PTPRD: variants seen among roughly 807,000 people sequenced by gnomAD.
PTPRD encodes the protein receptor-type tyrosine-protein phosphatase delta.
Under a neutral mutation model 214.5 loss-of-function variants are expected in PTPRD, and 34 were observed. The ratio of observed to expected loss-of-function variants is 0.16; its 90% CI spans 0.12 to 0.21. PTPRD has a LOEUF of 0.21. PTPRD is among the 10% of genes least tolerant of loss of function. PTPRD has a pLI of 1.00. For missense variants in PTPRD, 2,545 were observed against 2,398.7 expected, an observed-to-expected ratio of 1.06 and a Z score of -1.27; for synonymous variants, 1,128 against 845.7, an observed-to-expected ratio of 1.33 and a Z score of -5.79.
chr9:8,847,703 C>G (rs555546538), intron 11 of PTPRD, among the ~76,000 whole-genome samples: 1 of 152,008 alleles, frequency 6.6e-6, no homozygotes, highest in African/African-American at 2.4e-5. Flanking sequence ...AAATAGTTCT[C>G]TGAGGACTTA....
At chr9:9,054,162 A>G (rs1433596997) in intron 10 of PTPRD, among the ~76,000 whole-genome samples, 1 of 152,184 alleles carries the variant, frequency 6.6e-6, no homozygotes, top group Admixed American at 6.5e-5. Context: ...CAACAATCCT[A>G]TAAGGCAAGT....
intron 35 of PTPRD, among the ~76,000 whole-genome samples, chr9:8,421,190 T>C (rs922338035): frequency 6.6e-6 from 1 of 152,138 alleles, no homozygotes; most frequent in African/African-American, 2.4e-5. Context: ...AAGTGGGAGA[T>C]GCAAAGAGCA....
At chr9:9,275,145 ATAATATATT>A (rs1944841660) in intron 9 of PTPRD, among the ~76,000 whole-genome samples, 3 of 62,768 alleles carry the variant, frequency 4.8e-5, no homozygotes, top group African/African-American at 7.6e-5. Context: ...TAATATATAT[ATAATATATT>A]ATATATATAA....
At chr9:10,186,902 G>C (rs1293642913) in intron 3 of PTPRD, among the ~76,000 whole-genome samples, 1 of 152,082 alleles carries the variant, frequency 6.6e-6, no homozygotes, top group Non-Finnish European at 1.5e-5. Context: ...TCATGTTGTT[G>C]ATATATTTAG....
At chr9:10,049,903 A>T (rs1370685448) in intron 3 of PTPRD, among the ~76,000 whole-genome samples, 2 of 152,190 alleles carry the variant, frequency 1.3e-5, no homozygotes, top group Admixed American at 6.5e-5. Flanking sequence ...ATTGTAGGGT[A>T]GCATGACCTG....
At chr9:8,586,741 TGCTAGACCAA>T (rs2093687999) in intron 14 of PTPRD, among the ~76,000 whole-genome samples, 1 of 152,218 alleles carries the variant, frequency 6.6e-6, no homozygotes. Flanking sequence ...CCAACGGCAT[TGCTAGACCAA>T]GTATGTTCTT....
In PTPRD at chr9:9,854,219, A is replaced by G. The variant is rs77513972; in HGVS notation, c.-368+84288T>C. ...CTATTTTGTGCAATCTTTTTAAGGTACTATGCAGCTTTGAGATGATACAAT... is the reference window on the plus strand; with the variant it reads ...CTATTTTGTGCAATCTTTTTAAGGTGCTATGCAGCTTTGAGATGATACAAT... On this transcript the variant is annotated intron_variant, in intron 5 of 45. Coordinates refer to ENST00000381196, the MANE Select transcript of PTPRD (RefSeq NM_002839.4). Among the ~76,000 whole-genome samples the G allele has an allele frequency of 7.5e-3, 1,146 of 152,306 alleles. 11 individuals are homozygous for G. Among genetic ancestry groups the G allele is most frequent in the African/African-American group, 0.026 (1,084 of 41,558 alleles).
rs146507576 is a variant in PTPRD at position 9,084,460 on chromosome 9, G to C, written c.-142-65725C>G. Among the ~76,000 whole-genome samples the C allele has an allele frequency of 8.9e-4, 135 of 152,244 alleles. 1 individual carries two copies. Among genetic ancestry groups the C allele is most frequent in the Non-Finnish European group, 1.6e-3 (106 of 68,018 alleles). On this transcript the variant is annotated intron_variant, in intron 10 of 45. Transcript: ENST00000381196. Reference sequence around the variant, plus strand: ...GCGGAAATAACTATTGCAGATGACAGGTTGATGGGTTCAGCAAACCACCAG... The same window carrying C: ...GCGGAAATAACTATTGCAGATGACACGTTGATGGGTTCAGCAAACCACCAG...
intron 2 of PTPRD, among the ~76,000 whole-genome samples, chr9:10,368,149 G>A (rs1598279698): frequency 6.6e-6 from 1 of 152,070 alleles, no homozygotes; most frequent in South Asian, 2.1e-4. Flanking sequence ...ATATTGGTAA[G>A]TTGTCTTTAA....
chr9:9,712,583 C>T lies in PTPRD; in HGVS notation c.-287+21950G>A, dbSNP rs116476504. ...CATTCCAAACTCAAACAATGGCAGA[C>T]GGCAGATCTTGCTATATAACACATC... is the stretch of plus-strand genomic sequence containing the variant. On this transcript the variant is annotated intron_variant, in intron 7 of 45. Coordinates refer to ENST00000381196, the MANE Select transcript of PTPRD (RefSeq NM_002839.4). 6.5e-3 allele frequency among the ~76,000 whole-genome samples: 991 copies of T among 152,236 alleles called. 9 individuals carry two copies. Among genetic ancestry groups the T allele is most frequent in the African/African-American group, 0.023 (940 of 41,542 alleles).
intron 2 of PTPRD, among the ~76,000 whole-genome samples, chr9:10,365,648 C>A (rs1036493449): frequency 3.3e-5 from 5 of 152,002 alleles, no homozygotes; most frequent in Admixed American, 2.6e-4. Flanking sequence ...GTTTTTAGAA[C>A]ATAAGAGGAG....
At chr9:9,502,873 G>GT (rs1359176067) in intron 8 of PTPRD, among the ~76,000 whole-genome samples, 1 of 151,848 alleles carries the variant, frequency 6.6e-6, no homozygotes, top group Non-Finnish European at 1.5e-5. Flanking sequence ...TCCAACAGAC[G>GT]TAACTATTCT....
At chr9:10,317,592 C>A (rs968531794) in intron 3 of PTPRD, among the ~76,000 whole-genome samples, 13 of 151,702 alleles carry the variant, frequency 8.6e-5, no homozygotes, top group African/African-American at 3.1e-4. Flanking sequence ...AAGGTGGACC[C>A]CATGTTGCTA....
At chr9:8,966,935 A>AACAG (rs2099199372) in intron 11 of PTPRD, among the ~76,000 whole-genome samples, 1 of 151,510 alleles carries the variant, frequency 6.6e-6, no homozygotes, top group South Asian at 2.1e-4. Flanking sequence ...CAAACAAACA[A>AACAG]CAAAACAACA....
At chr9:9,431,632 T>A (rs546137980) in intron 8 of PTPRD, among the ~76,000 whole-genome samples, 14 of 152,038 alleles carry the variant, frequency 9.2e-5, no homozygotes, top group Non-Finnish European at 1.6e-4. Flanking sequence ...CTATTCACAA[T>A]AGCAAAGACT....
At chr9:10,212,629 G>A (rs1039283175) in intron 3 of PTPRD, among the ~76,000 whole-genome samples, 7 of 152,088 alleles carry the variant, frequency 4.6e-5, no homozygotes, top group Admixed American at 4.6e-4. Flanking sequence ...GTAAAAATAA[G>A]TATTTGTCAT....
chr9:9,514,516 G>C (rs1160346618), intron 8 of PTPRD, among the ~76,000 whole-genome samples: 3 of 152,058 alleles, frequency 2.0e-5, no homozygotes, highest in African/African-American at 7.2e-5. Context: ...TATCACAGGA[G>C]AGAAATTCCT....
chr9:9,755,600 G>T (rs971608356), intron 6 of PTPRD, among the ~76,000 whole-genome samples: 3 of 152,020 alleles, frequency 2.0e-5, no homozygotes, highest in Non-Finnish European at 4.4e-5. Flanking sequence ...ATATAGTACA[G>T]TTATTATAAT....
intron 3 of PTPRD, among the ~76,000 whole-genome samples, chr9:10,287,281 A>T (rs958114277): frequency 6.6e-6 from 1 of 152,210 alleles, no homozygotes; most frequent in Non-Finnish European, 1.5e-5. Context: ...ATCTAGGCAG[A>T]CAGAGGCCTG....
Sources: allele counts gnomAD v4.1 joint callset (sites outside exome capture counted in the v4.1 genomes callset), GRCh38; gene constraint gnomAD v4.1.1; transcripts MANE v1.5; gene names NCBI Gene and HGNC (gene_info 2026-07-23, HGNC 2026-07-21).